Variants in TNFAIP8L3 observed in about 807,000 individuals in gnomAD.
TNFAIP8L3 encodes the protein TNF alpha induced protein 8 like 3.
A neutral mutation model predicts 11.8 loss-of-function variants in TNFAIP8L3; 7 were observed. The observed-to-expected ratio is 0.59, with a 90% CI of 0.34 to 1.11. The LOEUF (loss-of-function observed/expected upper bound fraction) is 1.11, where lower values mean the gene tolerates loss of function less well. Ranked by LOEUF, TNFAIP8L3 falls within the 50% of genes most tolerant of loss-of-function variation. The pLI, the probability that TNFAIP8L3 is intolerant of heterozygous loss-of-function variation, is 0.03. For synonymous variants in TNFAIP8L3, 98 were observed against 103.8 expected, an observed-to-expected ratio of 0.94 and a Z score of 0.34; for missense variants, 219 against 258.6, an observed-to-expected ratio of 0.85 and a Z score of 1.05.
At chr15:51,098,489 G>T (rs942894467), upstream of TNFAIP8L3, among the ~76,000 whole-genome samples, 1 of 152,202 alleles carries the variant, frequency 6.6e-6, no homozygotes, top group Non-Finnish European at 1.5e-5. Context: ...CTGTAGGTAA[G>T]CTGGAGAGCA....
At chr15:51,102,613 A>G (rs2065562689) in intron 1 of TNFAIP8L3, among the ~76,000 whole-genome samples, 1 of 152,212 alleles carries the variant, frequency 6.6e-6, no homozygotes, top group African/African-American at 2.4e-5. Context: ...GTCTAACCCC[A>G]TCACTTTAGA....
At chr15:51,100,201 C>T (rs1164874481) in intron 1 of TNFAIP8L3, among the ~76,000 whole-genome samples, 1 of 152,168 alleles carries the variant, frequency 6.6e-6, no homozygotes, top group Non-Finnish European at 1.5e-5. Flanking sequence ...GTGACTGTCA[C>T]AGATACCATA....
Position 51,058,059 on chromosome 15 carries a change from T to C in TNFAIP8L3, c.437A>G (p.His146Arg). Residue 146 changes from histidine to arginine, a missense_variant, in exon 2 of 2, where the codon CAT (histidine) becomes CGT (arginine). Physicochemically the swap from His to Arg is conservative, Grantham distance 29. Coordinates refer to ENST00000637513, the MANE Select transcript of TNFAIP8L3 (RefSeq NM_001311175.2). ...NLLHECKDLV[H>R]ELVQRHLTPR... Reference sequence around the variant, plus strand: ...CGTCAGGTGCCGCTGCACCAGTTCATGCACCAGGTCCTTGCACTCATGCAG... The same window carrying C: ...CGTCAGGTGCCGCTGCACCAGTTCACGCACCAGGTCCTTGCACTCATGCAG... The C allele has an allele frequency of 6.2e-7, 1 of 1,614,144 alleles. No individual in the cohort carries two copies. Among genetic ancestry groups the C allele is most frequent in the Non-Finnish European group, 8.5e-7 (1 of 1,180,008 alleles).
chr15:51,079,974 C>T (rs1258457137), intron 1 of TNFAIP8L3, among the ~76,000 whole-genome samples: 3 of 151,582 alleles, frequency 2.0e-5, no homozygotes, highest in African/African-American at 7.3e-5. Context: ...TACTTACAGA[C>T]AAAATAGTTT....
At position 51,093,707 on chromosome 15, in the gene TNFAIP8L3, G is replaced by C. The variant is rs1330312298; in HGVS notation, c.52+837C>G. On this transcript the variant is annotated intron_variant, in intron 1 of 1. Coordinates refer to ENST00000637513, the MANE Select transcript of TNFAIP8L3 (RefSeq NM_001311175.2). ...ACGTGAGGAGGGCGAGCGGGTCCTAGGTGCGTAGACCCGTGGGTGGGGGGC... is the reference window on the plus strand; with the variant it reads ...ACGTGAGGAGGGCGAGCGGGTCCTACGTGCGTAGACCCGTGGGTGGGGGGC... Among the ~76,000 whole-genome samples the C allele has an allele frequency of 2.6e-5, 4 of 152,298 alleles. No homozygotes were observed. In the East Asian group the frequency reaches 7.7e-4, roughly 29 times the overall value.
intron 1 of TNFAIP8L3, among the ~76,000 whole-genome samples, chr15:51,088,908 T>G (rs1799832488): frequency 6.6e-6 from 1 of 152,148 alleles, no homozygotes; most frequent in Admixed American, 6.5e-5. Context: ...TATTCCTAGT[T>G]CCTTGAAATG....
chr15:51,099,955 T>C (rs2065539283), intron 1 of TNFAIP8L3, among the ~76,000 whole-genome samples: 2 of 152,260 alleles, frequency 1.3e-5, no homozygotes, highest in South Asian at 4.1e-4. Context: ...AATTGATGAG[T>C]TTTTTGTTGC....
intron 1 of TNFAIP8L3, 44 bp from the exon 2 acceptor site, chr15:51,058,487 ACTGT>A (rs752735769): frequency 1.1e-5 from 16 of 1,399,008 alleles, no homozygotes; most frequent in African/African-American, 1.5e-5. Flanking sequence ...AAATATAAGA[ACTGT>A]CTGTTACTTT....
At chr15:51,090,919 C>T (rs1351363480) in intron 1 of TNFAIP8L3, among the ~76,000 whole-genome samples, 1 of 138,506 alleles carries the variant, frequency 7.2e-6, no homozygotes, top group African/African-American at 2.5e-5. Context: ...TCTTGATCTT[C>T]CAAGCCAGAA....
intron 1 of TNFAIP8L3, among the ~76,000 whole-genome samples, chr15:51,064,039 G>C (rs1401297577): frequency 6.6e-6 from 1 of 152,154 alleles, no homozygotes; most frequent in African/African-American, 2.4e-5. Context: ...TGAGGGCTCA[G>C]GAGGGTCACC....
Position 51,078,672 on chromosome 15 carries a change from C to T in TNFAIP8L3, c.52+15872G>A, listed in dbSNP as rs562971823. On this transcript the variant is annotated intron_variant, in intron 1 of 1. Transcript: ENST00000637513. ...CTGATCCCTCCCCCTCCACATTCAA[C>T]ATTTCTCTCAGCTCCTTTCTCCAAC... Among the ~76,000 whole-genome samples, 3 of 152,048 alleles carry T rather than the reference C, an allele frequency of 2.0e-5. No homozygotes were observed. The South Asian group carries it at 6.2e-4, about 32-fold the overall frequency.
In TNFAIP8L3 at chr15:51,077,579, G is replaced by A. The variant is rs114866246; in HGVS notation, c.52+16965C>T. On this transcript the variant is annotated intron_variant, in intron 1 of 1. Transcript: ENST00000637513. ...TCCGAGAGGGGAGACCTTTGATAGA[G>A]ACAGGAGACAGCCAAGGGGTCCCTT... is the stretch of plus-strand genomic sequence containing the variant. Among the ~76,000 whole-genome samples the A allele has an allele frequency of 4.7e-3, 717 of 152,304 alleles. 7 individuals are homozygous for A. Among genetic ancestry groups the A allele is most frequent in the African/African-American group, 0.016 (672 of 41,572 alleles).
intron 1 of TNFAIP8L3, chr15:51,104,908 C>T: frequency 1.4e-6 from 2 of 1,480,980 alleles, no homozygotes; most frequent in Non-Finnish European, 1.9e-6. Flanking sequence ...CTTCAGATGC[C>T]AGCTCTGTGC....
chr15:51,105,242 G>C, exon 1 of TNFAIP8L3: 1 of 1,543,076 alleles, frequency 6.5e-7, no homozygotes, highest in South Asian at 1.2e-5. Context: ...AGGAGGTCTG[G>C]TCGTTTCCCA....
chr15:51,101,513 C>T (rs894509114), intron 1 of TNFAIP8L3, among the ~76,000 whole-genome samples: 1 of 151,764 alleles, frequency 6.6e-6, no homozygotes, highest in African/African-American at 2.4e-5. Context: ...CCCAGCTACT[C>T]GGGAGGCTGA....
upstream of TNFAIP8L3, among the ~76,000 whole-genome samples, chr15:51,095,558 G>T (rs1211456523): frequency 6.6e-6 from 1 of 151,956 alleles, no homozygotes; most frequent in African/African-American, 2.4e-5. Flanking sequence ...TCGCGCCCTC[G>T]ACTAGAGGGG....
chr15:51,061,032 A>T (rs1317362165), intron 1 of TNFAIP8L3, among the ~76,000 whole-genome samples: 1 of 152,196 alleles, frequency 6.6e-6, no homozygotes. Flanking sequence ...GCTACTTGGG[A>T]GTCTGAAACA....
At chr15:51,101,945 C>CA (rs11297566) in intron 1 of TNFAIP8L3, among the ~76,000 whole-genome samples, 1,409 of 85,376 alleles carry the variant, frequency 0.017, 32 homozygotes, top group African/African-American at 0.046. Context: ...GACTCTGTCT[C>CA]AAAAAAAAAA....
intron 1 of TNFAIP8L3, among the ~76,000 whole-genome samples, chr15:51,070,817 C>T (rs1469250933): frequency 2.6e-5 from 4 of 151,304 alleles, no homozygotes; most frequent in South Asian, 4.2e-4. Context: ...GAGGCCAAGG[C>T]GGGCGGATCA....
Sources: allele counts gnomAD v4.1 joint callset (sites outside exome capture counted in the v4.1 genomes callset), GRCh38; gene constraint gnomAD v4.1.1; transcripts MANE v1.5; gene names NCBI Gene and HGNC (gene_info 2026-07-23, HGNC 2026-07-21).